Variants in HHAT observed in about 807,000 individuals in gnomAD.
The protein encoded by HHAT is protein-cysteine N-palmitoyltransferase HHAT.
In HHAT, 47 loss-of-function variants were observed where a neutral mutation model predicts 70.8. The ratio of observed to expected loss-of-function variants is 0.66; its 90% CI spans 0.53 to 0.85. HHAT has a LOEUF of 0.85. Among genes scored for constraint, HHAT ranks in the 40% least tolerant of loss-of-function variants. The pLI is 0.00. For missense variants in HHAT, 609 were observed against 604.8 expected (o/e 1.01, Z -0.07); for synonymous variants, 228 against 247.6 (o/e 0.92, Z 0.74).
chr1:210,449,670 A>T (rs1222311696), intron 7 of HHAT, among the ~76,000 whole-genome samples: 2 of 152,164 alleles, frequency 1.3e-5, no homozygotes, highest in East Asian at 3.9e-4. Flanking sequence ...TTCCAGTCCT[A>T]AACTGTTACT....
intron 2 of HHAT, among the ~76,000 whole-genome samples, chr1:210,350,304 G>A (rs993736132): frequency 3.9e-5 from 6 of 152,122 alleles, no homozygotes; most frequent in Non-Finnish European, 8.8e-5. Context: ...TGGTACATTC[G>A]GACAATGGAA....
chr1:210,587,832 C>A, intron 9 of HHAT, 66 bp from the exon 10 acceptor site: 1 of 1,181,838 alleles, frequency 8.5e-7, no homozygotes, highest in Non-Finnish European at 1.2e-6. Context: ...GATAGTCAAG[C>A]TGGGGAGCAG....
intron 3 of HHAT, among the ~76,000 whole-genome samples, chr1:210,384,702 C>T (rs534908930): frequency 1.3e-5 from 2 of 152,200 alleles, no homozygotes; most frequent in African/African-American, 4.8e-5. Context: ...AGAAGAGGTT[C>T]CTAATTGACT....
intron 3 of HHAT, among the ~76,000 whole-genome samples, chr1:210,384,368 G>A (rs753526606): frequency 1.3e-5 from 2 of 152,138 alleles, no homozygotes; most frequent in African/African-American, 4.8e-5. Context: ...GGTACGGGGC[G>A]GGCTGAGCTG....
intron 11 of HHAT, among the ~76,000 whole-genome samples, chr1:210,666,576 C>T (rs1442934352): frequency 1.3e-5 from 2 of 152,134 alleles, no homozygotes; most frequent in Non-Finnish European, 2.9e-5. Flanking sequence ...CTTTGCCTCC[C>T]GGGTTCAAGT....
At chr1:210,618,770 C>T (rs1368451168) in intron 10 of HHAT, among the ~76,000 whole-genome samples, 1 of 152,128 alleles carries the variant, frequency 6.6e-6, no homozygotes, top group East Asian at 1.9e-4. Flanking sequence ...CTTGTTTGCT[C>T]CCACCAATCC....
intron 3 of HHAT, among the ~76,000 whole-genome samples, chr1:210,383,475 A>G (rs1255421470): frequency 1.4e-5 from 2 of 145,514 alleles, no homozygotes; most frequent in African/African-American, 5.0e-5. Context: ...TGAGGGGAGC[A>G]GGGCCAGGGT....
chr1:210,418,133 CCT>C lies in HHAT; in HGVS notation c.685-18_685-17del. ...TAGGAATCAAGGCACCATCGAATGACCTCTTTTGTTTCCACTTTAGATGCAGC... is the reference window on the plus strand; with the variant it reads ...TAGGAATCAAGGCACCATCGAATGACCTTTTGTTTCCACTTTAGATGCAGC... On this transcript the variant is annotated intron_variant, in intron 6 of 11. Coordinates refer to ENST00000261458, the MANE Select transcript of HHAT (RefSeq NM_018194.6). 6.2e-7 allele frequency: 1 copy of C among 1,613,286 alleles called. No homozygotes were observed. Among genetic ancestry groups the C allele is most frequent in the East Asian group, 2.2e-5 (1 of 44,862 alleles).
intron 9 of HHAT, among the ~76,000 whole-genome samples, chr1:210,537,713 T>A (rs2095388510): frequency 6.6e-6 from 1 of 152,206 alleles, no homozygotes; most frequent in Non-Finnish European, 1.5e-5. Flanking sequence ...TATCAGAGAA[T>A]ACCTGTTGGA....
At chr1:210,508,198 CAAAA>C in intron 8 of HHAT, among the ~76,000 whole-genome samples, 1 of 89,438 alleles carries the variant, frequency 1.1e-5, no homozygotes, top group African/African-American at 4.6e-5. Context: ...GACTCCTTCT[CAAAA>C]AAAAAAAAAA....
intron 7 of HHAT, among the ~76,000 whole-genome samples, chr1:210,432,625 A>C (rs972504653): frequency 6.6e-6 from 1 of 151,944 alleles, no homozygotes; most frequent in African/African-American, 2.4e-5. Context: ...ACGTAGTCTT[A>C]GATGGCCTTG....
At position 210,437,256 on chromosome 1, in the gene HHAT, C is replaced by T. The variant is rs146524688; in HGVS notation, c.856+18931C>T. ...GGATAAGACTAGTGAATCCCATAGCCCATCGTCTGACTTCATTTGCTACAA... is the reference window on the plus strand; with the variant it reads ...GGATAAGACTAGTGAATCCCATAGCTCATCGTCTGACTTCATTTGCTACAA... On this transcript the variant is annotated intron_variant, in intron 7 of 11. Transcript: ENST00000261458. 7.1e-3 allele frequency among the ~76,000 whole-genome samples: 1,083 copies of T among 151,880 alleles called. 45 individuals are homozygous for T. Among genetic ancestry groups the T allele is most frequent in the Admixed American group, 0.066 (1,015 of 15,284 alleles).
chr1:210,551,832 A>G (rs1247621080), intron 9 of HHAT, among the ~76,000 whole-genome samples: 2 of 152,230 alleles, frequency 1.3e-5, no homozygotes, highest in Non-Finnish European at 2.9e-5. Flanking sequence ...GAGCTCCTGA[A>G]AAGTTCTGTG....
chr1:210,478,014 T>C (rs1268852179), intron 8 of HHAT, among the ~76,000 whole-genome samples: 4 of 152,214 alleles, frequency 2.6e-5, no homozygotes, highest in African/African-American at 9.6e-5. Flanking sequence ...TATGTTGCAG[T>C]TGGGATTAGG....
intron 7 of HHAT, among the ~76,000 whole-genome samples, chr1:210,428,104 G>A (rs1270529744): frequency 1.5e-5 from 2 of 133,482 alleles, no homozygotes; most frequent in Non-Finnish European, 3.2e-5. Context: ...TCAGAAATTA[G>A]GATTACAATC....
At chr1:210,418,031 A>AAACC in intron 6 of HHAT, 123 bp from the exon 7 acceptor site, 1 of 932,064 alleles carries the variant, frequency 1.1e-6, no homozygotes, top group Non-Finnish European at 1.7e-6. Flanking sequence ...AAGACAAACC[A>AAACC]AACCAACCCT....
intron 6 of HHAT, among the ~76,000 whole-genome samples, chr1:210,410,409 A>C (rs1412789749): frequency 6.6e-6 from 1 of 151,008 alleles, no homozygotes; most frequent in Admixed American, 6.6e-5. Context: ...ATGGACTGTA[A>C]TAATGATATG....
chr1:210,651,079 G>T (rs899994253), intron 11 of HHAT, among the ~76,000 whole-genome samples: 1 of 152,180 alleles, frequency 6.6e-6, no homozygotes, highest in Non-Finnish European at 1.5e-5. Context: ...TTGTGACTCT[G>T]ATCACAGGAG....
intron 9 of HHAT, among the ~76,000 whole-genome samples, chr1:210,579,136 G>A (rs1225053173): frequency 1.3e-5 from 2 of 152,124 alleles, no homozygotes; most frequent in Non-Finnish European, 1.5e-5. Context: ...GACAGACACG[G>A]GAGATGGAGG....
Sources: allele counts gnomAD v4.1 joint callset (sites outside exome capture counted in the v4.1 genomes callset), GRCh38; gene constraint gnomAD v4.1.1; transcripts MANE v1.5; gene names NCBI Gene and HGNC (gene_info 2026-07-23, HGNC 2026-07-21).